Variants in CACNA1G observed in about 807,000 individuals in gnomAD.
The protein encoded by CACNA1G is voltage-dependent T-type calcium channel subunit alpha-1G.
In CACNA1G, 67 loss-of-function variants were observed where a neutral mutation model predicts 219.4. The observed-to-expected ratio is 0.31, with a 90% CI of 0.25 to 0.37. CACNA1G has a LOEUF of 0.37. Among genes scored for constraint, CACNA1G ranks in the 10% least tolerant of loss-of-function variants. The pLI is 1.00. For missense variants in CACNA1G, 2,380 were observed against 3,231.4 expected (o/e 0.74, Z 6.39); for synonymous variants, 1,296 against 1,345.3 (o/e 0.96, Z 0.80).
chr17:50,576,602 G>A (rs897934065), intron 8 of CACNA1G, among the ~76,000 whole-genome samples: 2 of 152,306 alleles, frequency 1.3e-5, no homozygotes, highest in African/African-American at 4.8e-5. Flanking sequence ...AGCAACTGTT[G>A]CACACAGCAA....
At chr17:50,582,814 C>T (rs552241841) in intron 9 of CACNA1G, among the ~76,000 whole-genome samples, 10 of 151,454 alleles carry the variant, frequency 6.6e-5, no homozygotes, top group South Asian at 2.1e-4. Context: ...GGGCTGTAGA[C>T]GGGGAGAGGA....
rs751865150 is a variant in CACNA1G, at chr17:50,619,803, A to G, written c.5902A>G (p.Ser1968Gly). Residue 1968 changes from serine to glycine, a missense_variant, in exon 34 of 38, where the codon AGC (serine) becomes GGC (glycine). Ser to Gly is a moderately conservative substitution (Grantham distance 56). Coordinates refer to ENST00000359106, the MANE Select transcript of CACNA1G (RefSeq NM_018896.5). The stretch of plus-strand genomic sequence containing the variant: ...GCCCTCTGCCTTCCCTTCTGCCCCC[A>G]GCCTGGGAGGCTCCGACCCACAGGT... ...GQPSAFPSAP[S>G]LGGSDPQIPL... 2.1e-5 allele frequency: 34 copies of G among 1,606,184 alleles called. No homozygotes were observed. Among genetic ancestry groups the G allele is most frequent in the Non-Finnish European group, 2.7e-5 (32 of 1,178,342 alleles).
Position 50,609,925 on chromosome 17 carries a change from CGCT to C in CACNA1G, c.4752_4754del (p.Ala1585del). 6.2e-7 allele frequency: 1 copy of C among 1,610,560 alleles called. No individual in the cohort carries two copies. Among genetic ancestry groups the C allele is most frequent in the Non-Finnish European group, 8.5e-7 (1 of 1,179,496 alleles). ...TAATTGCTTCCGGCAGCTCAGCCAG[CGCT>C]GCGTCAGGTACTGCGTCTGGGGTGT... On this transcript the variant is annotated inframe_deletion, in exon 26 of 38. Transcript: ENST00000359106.
At chr17:50,625,939 G>T in intron 37 of CACNA1G, 78 bp from the exon 38 acceptor site, 2 of 1,484,256 alleles carry the variant, frequency 1.3e-6, no homozygotes, top group South Asian at 1.3e-5. Flanking sequence ...TGGGCAGGGG[G>T]CACAGCCAGC....
chr17:50,590,392 C>T (rs899373652), intron 9 of CACNA1G, 79 bp from the exon 10 acceptor site: 4 of 1,489,258 alleles, frequency 2.7e-6, no homozygotes, highest in Admixed American at 3.4e-5. Flanking sequence ...CCTCCTCTCC[C>T]TGGTGTCCCA....
chr17:50,579,348 A>G (rs1376401678), intron 9 of CACNA1G, among the ~76,000 whole-genome samples: 1 of 151,864 alleles, frequency 6.6e-6, no homozygotes. Flanking sequence ...GAGGGGGAGG[A>G]GGCTTTTCTA....
At chr17:50,622,783 C>T (rs571921040) in intron 35 of CACNA1G, among the ~76,000 whole-genome samples, 1 of 152,258 alleles carries the variant, frequency 6.6e-6, no homozygotes, top group South Asian at 2.1e-4. Flanking sequence ...GAGCAACAAC[C>T]CCACTCCCAC....
intron 13 of CACNA1G, among the ~76,000 whole-genome samples, chr17:50,593,556 C>A (rs2044824731): frequency 6.6e-6 from 1 of 152,236 alleles, no homozygotes; most frequent in African/African-American, 2.4e-5. Context: ...TAGGCAACAG[C>A]AAAGCCAGAG....
chr17:50,580,306 G>T (rs1175746332), intron 9 of CACNA1G, among the ~76,000 whole-genome samples: 1 of 152,100 alleles, frequency 6.6e-6, no homozygotes, highest in Admixed American at 6.5e-5. Flanking sequence ...GACCCAGGTG[G>T]TGACAGCCCC....
intron 9 of CACNA1G, among the ~76,000 whole-genome samples, chr17:50,584,773 C>T (rs2042677914): frequency 6.6e-6 from 1 of 151,630 alleles, no homozygotes; most frequent in Non-Finnish European, 1.5e-5. Flanking sequence ...AACGAGGGGC[C>T]AGGTGGGGAG....
At chr17:50,623,464 C>T (rs1470989168) in intron 35 of CACNA1G, among the ~76,000 whole-genome samples, 2 of 151,718 alleles carry the variant, frequency 1.3e-5, no homozygotes, top group Non-Finnish European at 2.9e-5. Context: ...GGGTCAGGGC[C>T]CCAGCCCATC....
At chr17:50,582,957 G>A (rs1388084914) in intron 9 of CACNA1G, among the ~76,000 whole-genome samples, 1 of 152,266 alleles carries the variant, frequency 6.6e-6, no homozygotes, top group African/African-American at 2.4e-5. Context: ...CTATTTATAA[G>A]TGAGTGAGTT....
intron 16 of CACNA1G, among the ~76,000 whole-genome samples, chr17:50,599,188 T>C (rs976945797): frequency 1.3e-5 from 2 of 152,216 alleles, no homozygotes; most frequent in Non-Finnish European, 2.9e-5. Context: ...ATGAGCTCTA[T>C]TGCCATATCT....
At chr17:50,623,043 C>T (rs1405324497) in intron 35 of CACNA1G, among the ~76,000 whole-genome samples, 1 of 151,704 alleles carries the variant, frequency 6.6e-6, no homozygotes, top group Non-Finnish European at 1.5e-5. Flanking sequence ...GGTCCTCTCC[C>T]CCTCACCTCC....
Position 50,618,805 on chromosome 17 carries a change from G to T in CACNA1G, c.5578G>T (p.Glu1860Ter). ...GAAGCACCTGGAGGAGAGCAACAAG[G>T]AGGCCAAGGAGGAGGCCGAGCTAGA... ...LMKHLEESNK[E>*]AKEEAELEAE... is the part of the protein sequence containing the mutation. Residue 1860 changes from glutamate (E) to a stop codon, truncating the protein, a stop_gained, in exon 33 of 38, where the codon GAG becomes TAG. Coordinates refer to ENST00000359106, the MANE Select transcript of CACNA1G (RefSeq NM_018896.5). LOFTEE classifies it high-confidence loss of function. This position sits in a 1 kb window ranked among gnomAD's most constrained non-coding sequence, Gnocchi z 5.3. The T allele has an allele frequency of 6.2e-7, 1 of 1,613,948 alleles. No homozygotes were observed. Among genetic ancestry groups the T allele is most frequent in the Non-Finnish European group, 8.5e-7 (1 of 1,179,860 alleles).
At chr17:50,598,086 C>T (rs1369460000) in intron 16 of CACNA1G, among the ~76,000 whole-genome samples, 1 of 152,226 alleles carries the variant, frequency 6.6e-6, no homozygotes, top group South Asian at 2.1e-4. Context: ...TGCAGTGGCA[C>T]GATCTCAACT....
intron 35 of CACNA1G, 59 bp from the exon 36 acceptor site, chr17:50,623,848 C>T: frequency 1.3e-6 from 2 of 1,553,472 alleles, no homozygotes; most frequent in Non-Finnish European, 1.8e-6. Flanking sequence ...AGCGCTGCCT[C>T]AGTTACCAAA....
rs1480715496 is a variant in CACNA1G at position 50,599,570 on chromosome 17, G to C, written c.3401G>C (p.Gly1134Ala). The C allele has an allele frequency of 6.2e-7, 1 of 1,612,990 alleles. No homozygotes were observed. Among genetic ancestry groups the C allele is most frequent in the African/African-American group, 1.3e-5 (1 of 74,944 alleles). Residue 1134 changes from glycine (G) to alanine (A), a missense_variant, in exon 17 of 38, where the codon GGA becomes GCA. Coordinates refer to ENST00000359106, the MANE Select transcript of CACNA1G (RefSeq NM_018896.5). ...GGAGAGCGGCGGTCCCTGTTGTCGG[G>C]AGAAGGCCAGGAGAGCCAGGATGAA... is the stretch of plus-strand genomic sequence containing the variant. ...PSGERRSLLS[G>A]EGQESQDEEE...
intron 34 of CACNA1G, 29 bp downstream of exon 34, chr17:50,619,855 C>A: frequency 1.9e-6 from 3 of 1,581,766 alleles, no homozygotes; most frequent in East Asian, 2.3e-5. Context: ...TGTGCCCTCT[C>A]CCCTGACCGT....
Sources: gnomAD v4.1 joint callset for allele counts (sites outside exome capture counted in the v4.1 genomes callset) on GRCh38, gnomAD v4.1.1 for gene constraint, Gnocchi (gnomAD v3.1) non-coding constraint, MANE v1.5 for transcripts, NCBI Gene and HGNC (gene_info 2026-07-23, HGNC 2026-07-21) for gene names.